The following ANKRD55 variants were observed in gnomAD, a reference collection of about 807,000 sequenced individuals.
ANKRD55 encodes the protein ankyrin repeat domain 55.
In ANKRD55, 41 loss-of-function variants were observed where a neutral mutation model predicts 60.6. The ratio of observed to expected loss-of-function variants is 0.68; its 90% CI spans 0.53 to 0.88. ANKRD55 has a LOEUF of 0.88. Ranked by LOEUF, ANKRD55 falls within the 40% of genes least tolerant of loss-of-function variation. The pLI is 0.00. For synonymous variants in ANKRD55, 264 were observed against 290.3 expected (o/e 0.91, Z 0.92); for missense variants, 732 against 767.6 (o/e 0.95, Z 0.55).
chr5:56,115,483 T>C (rs1756860938), intron 9 of ANKRD55, among the ~76,000 whole-genome samples: 1 of 151,924 alleles, frequency 6.6e-6, no homozygotes, highest in Non-Finnish European at 1.5e-5. Flanking sequence ...CACATCTGGC[T>C]AGTTTTTCTG....
chr5:56,162,134 C>T, intron 5 of ANKRD55: 1 of 604,444 alleles, frequency 1.7e-6, no homozygotes, highest in Non-Finnish European at 2.1e-6. Context: ...TGTGGTTATC[C>T]TTGGTTACTC....
At chr5:56,166,905 T>G (rs1248178504) in intron 5 of ANKRD55, among the ~76,000 whole-genome samples, 1 of 152,212 alleles carries the variant, frequency 6.6e-6, no homozygotes, top group Non-Finnish European at 1.5e-5. Context: ...GTAAGACTGT[T>G]TCTTATAAGG....
chr5:56,159,797 C>G, intron 6 of ANKRD55, 36 bp downstream of exon 6: 1 of 1,608,424 alleles, frequency 6.2e-7, no homozygotes, highest in Non-Finnish European at 8.5e-7. Context: ...CCCTCACATG[C>G]AAAATGACCA....
chr5:56,193,451 C>A, intron 2 of ANKRD55: 1 of 515,434 alleles, frequency 1.9e-6, no homozygotes, highest in South Asian at 2.2e-5. Flanking sequence ...GGTTGCTGTT[C>A]CGATCTTGCA....
At position 56,132,501 on chromosome 5, in the gene ANKRD55, G is replaced by A. The variant is rs540357146; in HGVS notation, c.613-5395C>T. Among the ~76,000 whole-genome samples, 8 of 149,568 alleles carry A rather than the reference G, an allele frequency of 5.3e-5. No individual in the cohort carries two copies. In the East Asian group the frequency reaches 1.6e-3, roughly 29 times the overall value. On this transcript the variant is annotated intron_variant, in intron 7 of 11. Transcript: ENST00000341048. ...AACTACTCAGGAGGCTGAGGCAGGAGAATGGCGTGAACCTGAGAGGCGGAG... is the reference window on the plus strand; with the variant it reads ...AACTACTCAGGAGGCTGAGGCAGGAAAATGGCGTGAACCTGAGAGGCGGAG...
chr5:56,115,410 C>G (rs1009868943), intron 9 of ANKRD55, among the ~76,000 whole-genome samples: 2 of 151,618 alleles, frequency 1.3e-5, no homozygotes, highest in Non-Finnish European at 2.9e-5. Context: ...CCTCCACCTC[C>G]CAGGCTCAAG....
intron 10 of ANKRD55, among the ~76,000 whole-genome samples, chr5:56,104,522 C>T (rs936264772): frequency 6.6e-6 from 1 of 152,050 alleles, no homozygotes; most frequent in Non-Finnish European, 1.5e-5. Context: ...CGTGCATAGC[C>T]CAAAGCTGTC....
chr5:56,169,417 G>T (rs889765822), intron 5 of ANKRD55, among the ~76,000 whole-genome samples: 2 of 140,192 alleles, frequency 1.4e-5, no homozygotes, highest in Non-Finnish European at 1.5e-5. Flanking sequence ...AAGCATTTTT[G>T]TGGGGTCATT....
intron 8 of ANKRD55, among the ~76,000 whole-genome samples, chr5:56,126,714 C>T (rs1757268999): frequency 6.6e-6 from 1 of 152,216 alleles, no homozygotes; most frequent in Admixed American, 6.5e-5. Context: ...AATCTGACAA[C>T]ACTGTACAGT....
intron 7 of ANKRD55, among the ~76,000 whole-genome samples, chr5:56,135,484 C>T (rs911445082): frequency 6.6e-6 from 1 of 151,842 alleles, no homozygotes. Context: ...ATTCTCCTGC[C>T]TCAGCCTCCC....
intron 9 of ANKRD55, 67 bp downstream of exon 9, chr5:56,116,548 A>C: frequency 7.4e-7 from 1 of 1,352,560 alleles, no homozygotes; most frequent in Non-Finnish European, 9.6e-7. Flanking sequence ...GGCAATTTAA[A>C]ACATTTCATC....
chr5:56,106,784 T>C, intron 10 of ANKRD55, among the ~76,000 whole-genome samples: 1 of 151,944 alleles, frequency 6.6e-6, no homozygotes, highest in East Asian at 1.9e-4. Context: ...GATGGGAGGA[T>C]TGCTTGAGGC....
intron 6 of ANKRD55, among the ~76,000 whole-genome samples, chr5:56,153,387 C>T (rs748028596): frequency 5.3e-5 from 8 of 152,130 alleles, no homozygotes; most frequent in Non-Finnish European, 1.0e-4. Context: ...AAGAGAAATG[C>T]TTGCACAGAG....
chr5:56,208,398 GT>G (rs921661490), intron 2 of ANKRD55, among the ~76,000 whole-genome samples: 10 of 148,468 alleles, frequency 6.7e-5, no homozygotes, highest in Non-Finnish European at 8.9e-5. Flanking sequence ...AATTGTATGT[GT>G]TTTTTTAAAA....
In ANKRD55 at chr5:56,183,607, G is replaced by T; in HGVS notation, c.86C>A (p.Thr29Asn). Residue 29 changes from threonine to asparagine, a missense_variant, in exon 3 of 12, where the codon ACC (threonine) becomes AAC (asparagine). Around this residue, in one of 3 missense-constraint regions of ANKRD55, gnomAD observed 131 missense variants for 142.7 expected, o/e 0.92. Coordinates refer to ENST00000341048, the MANE Select transcript of ANKRD55 (RefSeq NM_024669.3). The part of the protein sequence containing the change: ...RGDSSEEVDL[T>N]MVYQAASNGD... ...ATTAGAGGCTGCTTGATAAACCATG[G>T]TCAGGTCAACTTCCTCAGATGAGTC... 1 of 1,614,192 alleles carries T rather than the reference G, an allele frequency of 6.2e-7. No individual in the cohort carries two copies. The highest frequency in any genetic ancestry group is 8.5e-7 in the Non-Finnish European group (1 of 1,180,030).
chr5:56,103,283 C>T (rs745605754), intron 10 of ANKRD55, among the ~76,000 whole-genome samples: 1 of 152,220 alleles, frequency 6.6e-6, no homozygotes, highest in Non-Finnish European at 1.5e-5. Context: ...AACTGTTTGA[C>T]ATCACACTAG....
chr5:56,231,450 T>C (rs1241245529), intron 2 of ANKRD55, among the ~76,000 whole-genome samples: 1 of 152,172 alleles, frequency 6.6e-6, no homozygotes, highest in Non-Finnish European at 1.5e-5. Flanking sequence ...AATAAACCCA[T>C]TGTATGTTTC....
chr5:56,177,574 C>T (rs547082521), intron 3 of ANKRD55, among the ~76,000 whole-genome samples: 16 of 152,018 alleles, frequency 1.1e-4, no homozygotes, highest in African/African-American at 3.6e-4. Flanking sequence ...GCCAGGAGTT[C>T]GAGAACAGCC....
At chr5:56,135,099 T>C (rs1342765641) in intron 7 of ANKRD55, among the ~76,000 whole-genome samples, 1 of 152,128 alleles carries the variant, frequency 6.6e-6, no homozygotes, top group African/African-American at 2.4e-5. Flanking sequence ...AAGAACTTCC[T>C]AAACTTGGTA....
Sources: allele counts gnomAD v4.1 joint callset (sites outside exome capture counted in the v4.1 genomes callset), GRCh38; gene constraint gnomAD v4.1.1; regional missense constraint gnomAD v4.1.1; transcripts MANE v1.5; gene names NCBI Gene and HGNC (gene_info 2026-07-23, HGNC 2026-07-21).